The following TMEM196 variants were observed in gnomAD, a reference collection of about 807,000 sequenced individuals.
TMEM196 encodes the protein transmembrane protein 196.
A neutral mutation model predicts 20.0 loss-of-function variants in TMEM196; 17 were observed. That is an observed-to-expected ratio of 0.85 (90% confidence interval 0.58 to 1.27). The LOEUF is 1.27. TMEM196 is among the 50% of genes most tolerant of loss of function. TMEM196 has a pLI of 0.00. For synonymous variants in TMEM196, 113 were observed against 88.9 expected, an observed-to-expected ratio of 1.27 and a Z score of -1.52; for missense variants, 267 against 223.0, an observed-to-expected ratio of 1.20 and a Z score of -1.26.
Position 19,772,535 on chromosome 7 carries a change from C to T in TMEM196, c.147+15G>A. On this transcript the variant is annotated intron_variant, in intron 1 of 4. Coordinates refer to ENST00000405844, the MANE Select transcript of TMEM196 (RefSeq NM_001363562.2). ...AGAGTGAAATGGCTCAACGTACACA[C>T]ACCCCGCTCCATACCGGGGACGAGT... 6.5e-7 allele frequency: 1 copy of T among 1,535,330 alleles called. No homozygotes were observed. The highest frequency in any genetic ancestry group is 8.8e-7 in the Non-Finnish European group (1 of 1,139,718).
chr7:19,752,591 A>G (rs1785030802), intron 1 of TMEM196, among the ~76,000 whole-genome samples: 1 of 151,376 alleles, frequency 6.6e-6, no homozygotes, highest in South Asian at 2.1e-4. Flanking sequence ...AATTTTTTTA[A>G]TTTAATTTTA....
chr7:19,746,451 G>A (rs765257368), intron 1 of TMEM196, among the ~76,000 whole-genome samples: 2 of 152,154 alleles, frequency 1.3e-5, no homozygotes, highest in Non-Finnish European at 2.9e-5. Flanking sequence ...CTCAATTTTC[G>A]AAGAATTGGA....
rs1264854585 is a variant in TMEM196, at chr7:19,724,285, A to T, written c.528T>A (p.Pro176=). 3 of 1,550,276 alleles carry T rather than the reference A, an allele frequency of 1.9e-6. No homozygotes were observed. The Admixed American group carries it at 5.9e-5, about 30-fold the overall frequency. Residue 176 remains proline (P), a synonymous_variant, in exon 4 of 5, where the codon CCT becomes CCA. Coordinates refer to ENST00000405844, the MANE Select transcript of TMEM196 (RefSeq NM_001363562.2). The stretch of plus-strand genomic sequence containing the variant: ...CTCCCTAGAAATCAGCGTACCTTGT[A>T]GGTAACTCTGGTGTCGGGGGCACCA... ...CPVVPPTPEL[P]TRK
At chr7:19,753,297 G>T (rs1157752992) in intron 1 of TMEM196, among the ~76,000 whole-genome samples, 2 of 151,910 alleles carry the variant, frequency 1.3e-5, no homozygotes. Flanking sequence ...TTTATTCTAT[G>T]TTATAACCAC....
At chr7:19,738,198 C>G (rs1297476642) in intron 1 of TMEM196, among the ~76,000 whole-genome samples, 1 of 151,980 alleles carries the variant, frequency 6.6e-6, no homozygotes, top group Non-Finnish European at 1.5e-5. Context: ...TACATGTATA[C>G]TGAAATTGAA....
At chr7:19,730,112 C>T (rs1053687553) in intron 1 of TMEM196, among the ~76,000 whole-genome samples, 5 of 151,952 alleles carry the variant, frequency 3.3e-5, no homozygotes, top group African/African-American at 4.8e-5. Flanking sequence ...AAAAATTAGC[C>T]GGGCGTGGTG....
intron 1 of TMEM196, among the ~76,000 whole-genome samples, chr7:19,747,348 G>A (rs898211162): frequency 6.6e-6 from 1 of 151,964 alleles, no homozygotes; most frequent in Admixed American, 6.6e-5. Context: ...TACTCTCTGA[G>A]GTTAAACCTC....
intron 1 of TMEM196, among the ~76,000 whole-genome samples, chr7:19,756,041 A>C (rs1025629613): frequency 6.6e-6 from 1 of 151,704 alleles, no homozygotes; most frequent in African/African-American, 2.4e-5. Context: ...ATTTAAAAAA[A>C]AAAAAAAGCA....
chr7:19,728,910 G>T (rs1343085939), intron 2 of TMEM196, among the ~76,000 whole-genome samples: 1 of 152,156 alleles, frequency 6.6e-6, no homozygotes, highest in Non-Finnish European at 1.5e-5. Flanking sequence ...AAATCTCTGA[G>T]AATTAAACTG....
At chr7:19,739,461 A>C (rs1266178738) in intron 1 of TMEM196, among the ~76,000 whole-genome samples, 2 of 152,138 alleles carry the variant, frequency 1.3e-5, no homozygotes, top group Admixed American at 6.6e-5. Flanking sequence ...GGGATTAGTG[A>C]CCTTATAAAG....
At chr7:19,736,383 A>ATATATATATATATG (rs1784407475) in intron 1 of TMEM196, among the ~76,000 whole-genome samples, 1 of 54,220 alleles carries the variant, frequency 1.8e-5, no homozygotes, top group Non-Finnish European at 3.2e-5. Context: ...ATATATATAT[A>ATATATATATATATG]TATATATATA....
At chr7:19,753,372 T>C (rs1005454558) in intron 1 of TMEM196, among the ~76,000 whole-genome samples, 5 of 152,206 alleles carry the variant, frequency 3.3e-5, no homozygotes, top group Admixed American at 2.0e-4. Context: ...CTCATTTTCT[T>C]ACCCCTTCCC....
chr7:19,761,200 G>A (rs1358306371), intron 1 of TMEM196, among the ~76,000 whole-genome samples: 2 of 152,056 alleles, frequency 1.3e-5, no homozygotes, highest in African/African-American at 4.8e-5. Context: ...TTAGCATAGC[G>A]TACATCTTCA....
chr7:19,743,728 G>C (rs7803764), intron 1 of TMEM196, among the ~76,000 whole-genome samples: 75,595 of 151,952 alleles, frequency 0.5, 23,006 homozygotes, highest in East Asian at 0.95. Context: ...AGTTTGTTAA[G>C]TTCAAACTGG....
rs142871333 is a variant in TMEM196 at position 19,728,953 on chromosome 7, G to A, written c.204+429C>T. Among the ~76,000 whole-genome samples the A allele has an allele frequency of 5.9e-3, 891 of 152,258 alleles. 11 individuals carry two copies. Among genetic ancestry groups the A allele is most frequent in the African/African-American group, 0.02 (849 of 41,548 alleles). ...AGCAACACAGCTGTCTTGCTGCTTC[G>A]CAAAACTTGCTTCACAGTCAAAGAA... On this transcript the variant is annotated intron_variant, in intron 2 of 4. Transcript: ENST00000405844.
At chr7:19,760,493 C>T (rs985803662) in intron 1 of TMEM196, among the ~76,000 whole-genome samples, 2 of 150,650 alleles carry the variant, frequency 1.3e-5, no homozygotes, top group African/African-American at 2.4e-5. Flanking sequence ...CCCAAGTAGC[C>T]GGGATTACAG....
chr7:19,752,947 A>G (rs1446846169), intron 1 of TMEM196, among the ~76,000 whole-genome samples: 1 of 151,950 alleles, frequency 6.6e-6, no homozygotes, highest in South Asian at 2.1e-4. Context: ...GTCTCTCCAA[A>G]TTTCTTGGCC....
At chr7:19,768,537 A>T (rs1375859656) in intron 1 of TMEM196, among the ~76,000 whole-genome samples, 1 of 152,098 alleles carries the variant, frequency 6.6e-6, no homozygotes, top group African/African-American at 2.4e-5. Flanking sequence ...AGCTCTGTCC[A>T]TTTTACTTCC....
At chr7:19,753,651 TTAAAATAAATTGATTC>T (rs1267438484) in intron 1 of TMEM196, among the ~76,000 whole-genome samples, 2 of 152,212 alleles carry the variant, frequency 1.3e-5, no homozygotes, top group Non-Finnish European at 2.9e-5. Context: ...GTGATTATTC[TTAAAATAAATTGATTC>T]TAGTCTCCCT....
Sources: allele counts gnomAD v4.1 joint callset (sites outside exome capture counted in the v4.1 genomes callset), GRCh38; gene constraint gnomAD v4.1.1; transcripts MANE v1.5; gene names NCBI Gene and HGNC (gene_info 2026-07-23, HGNC 2026-07-21).